The following ANKRD31 variants were observed in gnomAD, a reference collection of about 807,000 sequenced individuals.
ANKRD31 encodes ankyrin repeat domain-containing protein 31.
In ANKRD31, 147 loss-of-function variants were observed where a neutral mutation model predicts 186.0. The ratio of observed to expected loss-of-function variants is 0.79; its 90% confidence interval spans 0.69 to 0.91. The LOEUF is 0.91. Ranked by LOEUF, ANKRD31 falls within the 40% of genes least tolerant of loss-of-function variation. The pLI is 0.00. For synonymous variants in ANKRD31, 673 were observed against 736.4 expected (o/e 0.91, Z 1.39); for missense variants, 1,986 against 2,148.8 (o/e 0.92, Z 1.50).
chr5:75,124,823 G>C (rs1358331933), intron 17 of ANKRD31, among the ~76,000 whole-genome samples: 1 of 152,096 alleles, frequency 6.6e-6, no homozygotes. Flanking sequence ...AGAAGGGTAG[G>C]GGGTGGGAGG....
intron 25 of ANKRD31, among the ~76,000 whole-genome samples, chr5:75,074,438 C>T (rs528506839): frequency 6.6e-6 from 1 of 152,320 alleles, no homozygotes; most frequent in Non-Finnish European, 1.5e-5. Context: ...TTAGCAGGAA[C>T]CTGCACTTTT....
chr5:75,131,413 T>C (rs1749820903), intron 17 of ANKRD31, among the ~76,000 whole-genome samples: 1 of 152,178 alleles, frequency 6.6e-6, no homozygotes, highest in African/African-American at 2.4e-5. Context: ...CACTCACTGC[T>C]AGCACAGCAG....
At chr5:75,115,874 A>G (rs1748197976) in intron 19 of ANKRD31, among the ~76,000 whole-genome samples, 1 of 152,144 alleles carries the variant, frequency 6.6e-6, no homozygotes, top group African/African-American at 2.4e-5. Context: ...ATCTAGAACT[A>G]GAAATACCAT....
chr5:75,119,999 A>G (rs551134140), intron 17 of ANKRD31, among the ~76,000 whole-genome samples: 1 of 152,338 alleles, frequency 6.6e-6, no homozygotes, highest in South Asian at 2.1e-4. Flanking sequence ...TTGGGGAGAA[A>G]AAAATGTCTA....
intron 15 of ANKRD31, among the ~76,000 whole-genome samples, chr5:75,140,278 A>AGT (rs767368318): frequency 8.5e-6 from 1 of 117,426 alleles, no homozygotes; most frequent in African/African-American, 2.8e-5. Flanking sequence ...AAAGAGAGAG[A>AGT]GAGAAAGAAA....
At chr5:75,201,227 T>A (rs185441658) in intron 5 of ANKRD31, among the ~76,000 whole-genome samples, 2 of 152,290 alleles carry the variant, frequency 1.3e-5, no homozygotes, top group East Asian at 3.9e-4. Flanking sequence ...TAAAAAGCTA[T>A]GAAAATCAGT....
At chr5:75,224,862 T>C (rs1417725241) in intron 2 of ANKRD31, among the ~76,000 whole-genome samples, 2 of 152,062 alleles carry the variant, frequency 1.3e-5, no homozygotes, top group South Asian at 4.1e-4. Flanking sequence ...ACCAGAAAAC[T>C]GGGTAAAACT....
chr5:75,171,322 G>A (rs1375503222), intron 10 of ANKRD31, among the ~76,000 whole-genome samples: 2 of 151,916 alleles, frequency 1.3e-5, no homozygotes, highest in African/African-American at 2.4e-5. Flanking sequence ...AAGGTATCTA[G>A]AGAATCCCCA....
At chr5:75,089,080 G>A (rs1745733344) in intron 23 of ANKRD31, among the ~76,000 whole-genome samples, 1 of 152,142 alleles carries the variant, frequency 6.6e-6, no homozygotes, top group African/African-American at 2.4e-5. Flanking sequence ...CTAGGCACTA[G>A]TGGTTTCTAA....
chr5:75,213,110 CA>C (rs1160351139), intron 3 of ANKRD31, among the ~76,000 whole-genome samples: 1 of 152,126 alleles, frequency 6.6e-6, no homozygotes, highest in Non-Finnish European at 1.5e-5. Context: ...ATTAGTTTCA[CA>C]CATATATACT....
rs76170801 is a variant in ANKRD31, at chr5:75,111,939, G to T, written c.4243+574C>A. Among the ~76,000 whole-genome samples, 365 of 152,190 alleles carry T rather than the reference G, an allele frequency of 2.4e-3. 8 individuals are homozygous for T. In the East Asian group the frequency reaches 0.061, roughly 25 times the overall value. Reference sequence around the variant, plus strand: ...CACTATTTCTGATCTACTTTTAAGGGTTACCATAGCTGGGTGAAGCTGACA... The same window carrying T: ...CACTATTTCTGATCTACTTTTAAGGTTTACCATAGCTGGGTGAAGCTGACA... On this transcript the variant is annotated intron_variant, in intron 20 of 25. Coordinates refer to ENST00000506364, the MANE Select transcript of ANKRD31 (RefSeq NM_001372053.1).
chr5:75,224,509 T>C (rs936068514), intron 2 of ANKRD31, among the ~76,000 whole-genome samples: 17 of 151,992 alleles, frequency 1.1e-4, no homozygotes, highest in African/African-American at 3.4e-4. Flanking sequence ...CACATATATA[T>C]GGAAATTTAA....
In ANKRD31 at chr5:75,085,319, T is replaced by G. The variant is rs546175365; in HGVS notation, c.5473-945A>C. Among the ~76,000 whole-genome samples, 5 of 152,188 alleles carry G rather than the reference T, an allele frequency of 3.3e-5. No homozygotes were observed. The South Asian group carries it at 6.2e-4, about 19-fold the overall frequency. Reference sequence around the variant, plus strand: ...CAAATACCCTCAGCAGTTCACAGAGTGCCTGACGATACTGGATAAAAGACT... The same window carrying G: ...CAAATACCCTCAGCAGTTCACAGAGGGCCTGACGATACTGGATAAAAGACT... On this transcript the variant is annotated intron_variant, in intron 23 of 25. Transcript: ENST00000506364.
chr5:75,228,259 T>A (rs1329464293), intron 2 of ANKRD31, among the ~76,000 whole-genome samples: 1 of 152,238 alleles, frequency 6.6e-6, no homozygotes, highest in Non-Finnish European at 1.5e-5. Flanking sequence ...GTAAGTTATT[T>A]TGCTCTATTT....
intron 21 of ANKRD31, 122 bp from the exon 22 acceptor site, chr5:75,105,340 T>C (rs997806486): frequency 3.7e-6 from 4 of 1,078,366 alleles, no homozygotes; most frequent in Admixed American, 3.7e-5. Flanking sequence ...CACAAAACTA[T>C]GCCTGTGCAA....
rs1485813671 is a variant in ANKRD31, at chr5:75,193,572, G to A, written c.1037C>T (p.Pro346Leu). 1.3e-6 allele frequency: 2 copies of A among 1,535,748 alleles called. No homozygotes were observed. The highest frequency in any genetic ancestry group is 1.7e-6 in the Non-Finnish European group (2 of 1,146,132). Residue 346 changes from proline to leucine, a missense_variant, in exon 8 of 26, where the codon CCA becomes CTA. Pro to Leu is a moderately conservative substitution (Grantham distance 98). Coordinates refer to ENST00000506364, the MANE Select transcript of ANKRD31 (RefSeq NM_001372053.1). ...QIAETLQDPN[P>L]SGLQTLAHQN... ...ATGAGCCAAAGTTTGCAATCCAGAT[G>A]GATTTGGGTCTTGCAGAGTCTGCAA...
intron 10 of ANKRD31, among the ~76,000 whole-genome samples, chr5:75,187,557 G>T (rs1323240564): frequency 6.6e-6 from 1 of 151,876 alleles, no homozygotes; most frequent in Admixed American, 6.6e-5. Flanking sequence ...GAACTCAATG[G>T]GCAGACAAAG....
chr5:75,105,758 A>C (rs901611593), intron 21 of ANKRD31, among the ~76,000 whole-genome samples: 5 of 152,190 alleles, frequency 3.3e-5, no homozygotes, highest in African/African-American at 1.2e-4. Flanking sequence ...TAGTTCCCCA[A>C]GTAATTACTG....
At chr5:75,068,997 A>G (rs1743990586) in intron 25 of ANKRD31, among the ~76,000 whole-genome samples, 1 of 152,218 alleles carries the variant, frequency 6.6e-6, no homozygotes, top group Non-Finnish European at 1.5e-5. Context: ...GAGATTTTGC[A>G]TGTGAAATTC....
Sources: gnomAD v4.1 joint callset for allele counts (sites outside exome capture counted in the v4.1 genomes callset) on GRCh38, gnomAD v4.1.1 for gene constraint, MANE v1.5 for transcripts, NCBI Gene and HGNC (gene_info 2026-07-23, HGNC 2026-07-21) for gene names.